OR1J2: variants seen among roughly 807,000 people sequenced by gnomAD.
OR1J2 encodes the protein olfactory receptor family 1 subfamily J member 2.
For missense variants in OR1J2, 304 were observed against 246.1 expected (o/e 1.24, Z -1.57); for synonymous variants, 142 against 99.7 (o/e 1.42, Z -2.52).
At chr9:122,455,782 A>G in the OR1J2 span, among the ~76,000 whole-genome samples, 2 of 152,168 alleles carry the variant, frequency 1.3e-5, no homozygotes, top group African/African-American at 4.8e-5. Flanking sequence ...GGACAAATTC[A>G]AGGTGATAAA....
the OR1J2 span, among the ~76,000 whole-genome samples, chr9:122,522,328 A>G: frequency 0.034 from 5,130 of 152,310 alleles, 130 homozygotes; most frequent in Non-Finnish European, 0.048. Flanking sequence ...CAGTGTGACA[A>G]TAGAACAATC....
the OR1J2 span, among the ~76,000 whole-genome samples, chr9:122,474,821 G>A: frequency 1.5e-4 from 22 of 150,954 alleles, 1 homozygote; most frequent in East Asian, 3.9e-3. Flanking sequence ...CTCTCAAATG[G>A]TCATTTGCAC....
chr9:122,491,904 A>C, the OR1J2 span, among the ~76,000 whole-genome samples: 9 of 152,258 alleles, frequency 5.9e-5, no homozygotes, highest in African/African-American at 2.2e-4. Context: ...AATGAACAGG[A>C]TCAGAGACTG....
the OR1J2 span, among the ~76,000 whole-genome samples, chr9:122,487,458 A>AACACACACACACACACAC: frequency 2.7e-5 from 4 of 149,084 alleles, no homozygotes; most frequent in African/African-American, 7.4e-5. Flanking sequence ...GGAGATGATT[A>AACACACACACACACACAC]ACACACACAC....
chr9:122,470,624 C>A, the OR1J2 span, among the ~76,000 whole-genome samples: 1 of 152,238 alleles, frequency 6.6e-6, no homozygotes, highest in South Asian at 2.1e-4. Flanking sequence ...TTCTCCAGAC[C>A]CCAGAATTGT....
At chr9:122,515,297 A>G (rs1564184841), downstream of OR1J2, among the ~76,000 whole-genome samples, 1 of 151,314 alleles carries the variant, frequency 6.6e-6, no homozygotes, top group Non-Finnish European at 1.5e-5. Context: ...TACTCCCAGG[A>G]ATGACTTGAG....
chr9:122,497,754 G>A, the OR1J2 span, among the ~76,000 whole-genome samples: 3 of 152,102 alleles, frequency 2.0e-5, no homozygotes, highest in African/African-American at 4.8e-5. Flanking sequence ...TAAGTGTGAT[G>A]TTAGGTCATT....
At chr9:122,481,460 C>G in the OR1J2 span, among the ~76,000 whole-genome samples, 1 of 151,830 alleles carries the variant, frequency 6.6e-6, no homozygotes, top group Admixed American at 6.6e-5. Flanking sequence ...GTATTCCGGA[C>G]ACATAGAGAA....
chr9:122,539,225 G>A, the OR1J2 span, among the ~76,000 whole-genome samples: 9 of 152,000 alleles, frequency 5.9e-5, no homozygotes, highest in East Asian at 1.9e-4. Flanking sequence ...CCATTAACTC[G>A]TCATTTAACA....
At chr9:122,476,951 G>T in the OR1J2 span, 16 of 1,168,344 alleles carry the variant, frequency 1.4e-5, no homozygotes, top group East Asian at 7.0e-5. Context: ...CAGGTGATCC[G>T]TCTGCCTCAG....
chr9:122,576,105 A>G, the OR1J2 span, among the ~76,000 whole-genome samples: 1 of 152,226 alleles, frequency 6.6e-6, no homozygotes, highest in African/African-American at 2.4e-5. Flanking sequence ...GGCTGAATAA[A>G]TATACATTGC....
At chr9:122,453,026 C>T in the OR1J2 span, among the ~76,000 whole-genome samples, 1 of 102,054 alleles carries the variant, frequency 9.8e-6, no homozygotes, top group South Asian at 3.6e-4. Flanking sequence ...AAAGCTTCGT[C>T]TCAAAAAAAA....
the OR1J2 span, chr9:122,477,182 T>A: frequency 1.2e-6 from 2 of 1,614,202 alleles, no homozygotes; most frequent in East Asian, 2.2e-5. Context: ...TAATAGATAG[T>A]CACCACTGAG....
the OR1J2 span, among the ~76,000 whole-genome samples, chr9:122,490,822 A>G: frequency 6.6e-6 from 1 of 152,208 alleles, no homozygotes; most frequent in Non-Finnish European, 1.5e-5. Flanking sequence ...AAAGGAAAGA[A>G]AGAGCCATGG....
At chr9:122,551,837 C>A in the OR1J2 span, among the ~76,000 whole-genome samples, 1 of 152,048 alleles carries the variant, frequency 6.6e-6, no homozygotes, top group Non-Finnish European at 1.5e-5. Context: ...CCCGGGGAAG[C>A]TGAAATCGAG....
the OR1J2 span, among the ~76,000 whole-genome samples, chr9:122,464,780 CT>C: frequency 1.3e-5 from 2 of 152,184 alleles, no homozygotes; most frequent in African/African-American, 4.8e-5. Context: ...CGTTCCCTCC[CT>C]TTGGTAGCAG....
At chr9:122,540,416 A>C in the OR1J2 span, among the ~76,000 whole-genome samples, 3 of 152,210 alleles carry the variant, frequency 2.0e-5, no homozygotes, top group African/African-American at 7.2e-5. Flanking sequence ...GTCAAAGATC[A>C]GATAGTTGTA....
At chr9:122,502,285 G>A in the OR1J2 span, among the ~76,000 whole-genome samples, 2 of 152,036 alleles carry the variant, frequency 1.3e-5, no homozygotes, top group African/African-American at 4.8e-5. Flanking sequence ...CTTGCAGATG[G>A]TGGCCAACCT....
At chr9:122,528,549 G>A in the OR1J2 span, among the ~76,000 whole-genome samples, 1 of 152,170 alleles carries the variant, frequency 6.6e-6, no homozygotes, top group African/African-American at 2.4e-5. Flanking sequence ...AGTGAGCCGA[G>A]ATCATGCCAT....
Sources: gnomAD v4.1 joint callset for allele counts (sites outside exome capture counted in the v4.1 genomes callset) on GRCh38, gnomAD v4.1.1 for gene constraint, MANE v1.5 for transcripts, NCBI Gene and HGNC (gene_info 2026-07-23, HGNC 2026-07-21) for gene names.